DAP: variants seen among roughly 807,000 people sequenced by gnomAD.
DAP encodes death-associated protein 1.
In DAP, 8 loss-of-function variants were observed where a neutral mutation model predicts 13.8. The observed-to-expected ratio is 0.58, with a 90% CI of 0.34 to 1.05. DAP has a LOEUF of 1.05. Among genes scored for constraint, DAP ranks in the 50% least tolerant of loss-of-function variants. The pLI, the probability that DAP is intolerant of heterozygous loss-of-function variation, is 0.03. For synonymous variants in DAP, 47 were observed against 47.5 expected (o/e 0.99, Z 0.04); for missense variants, 106 against 133.2 (o/e 0.80, Z 1.01).
Position 10,691,054 on chromosome 5 carries a change from G to C in DAP, c.153-7483C>G, listed in dbSNP as rs557926427. 3.9e-5 allele frequency among the ~76,000 whole-genome samples: 6 copies of C among 152,290 alleles called. No homozygotes were observed. In the East Asian group the frequency reaches 1.2e-3, roughly 29 times the overall value. ...ATTTAGCAACTAATTTTAAGAATAA[G>C]CTTCCCTGCCACAGAATAATAAATA... On this transcript the variant is annotated intron_variant, in intron 2 of 3. Coordinates refer to ENST00000230895, the MANE Select transcript of DAP (RefSeq NM_004394.3).
rs533834729 is a variant in DAP, at chr5:10,681,038, G to C, written c.*18C>G. On this transcript the variant is annotated 3_prime_UTR_variant, in exon 4 of 4. Transcript: ENST00000230895. ...GCAGCAGAGCCGGGGCCATGGGGCA[G>C]GCTGGTGGACTCCAGGCTCACTTGC... is the stretch of plus-strand genomic sequence containing the variant. 4.4e-6 allele frequency: 7 copies of C among 1,578,894 alleles called. No individual in the cohort carries two copies. The East Asian group carries it at 1.6e-4, about 36-fold the overall frequency.
intron 2 of DAP, among the ~76,000 whole-genome samples, chr5:10,720,744 T>C (rs1283304667): frequency 6.6e-6 from 1 of 152,166 alleles, no homozygotes; most frequent in African/African-American, 2.4e-5. Flanking sequence ...TTCCTCGGGG[T>C]GATCAGCCAG....
rs369239110 is a variant in DAP, at chr5:10,714,818, C to T, written c.153-31247G>A. On this transcript the variant is annotated intron_variant, in intron 2 of 3. Coordinates refer to ENST00000230895, the MANE Select transcript of DAP (RefSeq NM_004394.3). ...GGTTGTTTAAAAGTGTGTAATACTTCCCCTCTTGCTCTCTTGCTCCTGCTC... is the reference window on the plus strand; with the variant it reads ...GGTTGTTTAAAAGTGTGTAATACTTTCCCTCTTGCTCTCTTGCTCCTGCTC... Among the ~76,000 whole-genome samples, 8 of 151,998 alleles carry T rather than the reference C, an allele frequency of 5.3e-5. 1 individual carries two copies. In the South Asian group the frequency reaches 8.3e-4, roughly 16 times the overall value.
At chr5:10,758,750 T>C (rs902337170) in intron 1 of DAP, among the ~76,000 whole-genome samples, 1 of 152,140 alleles carries the variant, frequency 6.6e-6, no homozygotes, top group African/African-American at 2.4e-5. Flanking sequence ...GAACCCAAGC[T>C]CACTGCTACA....
intron 2 of DAP, among the ~76,000 whole-genome samples, chr5:10,741,131 G>A (rs1401698820): frequency 6.6e-6 from 1 of 152,166 alleles, no homozygotes; most frequent in Non-Finnish European, 1.5e-5. Context: ...TAGGAGGATT[G>A]CTTGAGCTCA....
chr5:10,751,542 T>C lies in DAP; in HGVS notation c.56-3271A>G, dbSNP rs966287042. Reference sequence around the variant, plus strand: ...CCTGCTCTATCCCACCTCTTTCCCATGCTCATCAGAAATTGATGAAAGATG... The same window carrying C: ...CCTGCTCTATCCCACCTCTTTCCCACGCTCATCAGAAATTGATGAAAGATG... On this transcript the variant is annotated intron_variant, in intron 1 of 3. Transcript: ENST00000230895. 2.0e-5 allele frequency among the ~76,000 whole-genome samples: 3 copies of C among 152,224 alleles called. No homozygotes were observed. In the East Asian group the frequency reaches 5.8e-4, roughly 29 times the overall value.
At chr5:10,703,290 A>G (rs899016791) in intron 2 of DAP, among the ~76,000 whole-genome samples, 1 of 152,242 alleles carries the variant, frequency 6.6e-6, no homozygotes, top group Admixed American at 6.5e-5. Flanking sequence ...AAACTGTCTC[A>G]GAAGACACGT....
chr5:10,757,178 C>G (rs571780589), intron 1 of DAP, among the ~76,000 whole-genome samples: 13 of 152,208 alleles, frequency 8.5e-5, no homozygotes, highest in Non-Finnish European at 1.8e-4. Context: ...AGTCGTCTGT[C>G]GGGCTGCTGA....
intron 2 of DAP, among the ~76,000 whole-genome samples, chr5:10,685,885 T>G (rs1448575387): frequency 1.3e-5 from 2 of 152,100 alleles, no homozygotes; most frequent in African/African-American, 4.8e-5. Flanking sequence ...TGAGGAAGCT[T>G]GAGTAATTAT....
chr5:10,729,508 C>T (rs1739382836), intron 2 of DAP, among the ~76,000 whole-genome samples: 1 of 152,202 alleles, frequency 6.6e-6, no homozygotes, highest in Non-Finnish European at 1.5e-5. Flanking sequence ...CAACAGATGT[C>T]ATTTATAATC....
chr5:10,714,203 AAAACCAACCAAC>A (rs2126654102), intron 2 of DAP, among the ~76,000 whole-genome samples: 1 of 152,352 alleles, frequency 6.6e-6, no homozygotes, highest in African/African-American at 2.4e-5. Flanking sequence ...AGGCTGGGGG[AAAACCAACCAAC>A]AAACCAGCCA....
At chr5:10,754,743 T>G (rs1378511825) in intron 1 of DAP, among the ~76,000 whole-genome samples, 2 of 152,164 alleles carry the variant, frequency 1.3e-5, no homozygotes, top group African/African-American at 2.4e-5. Flanking sequence ...ATCGGCTGCC[T>G]GGAAGTGCTT....
intron 3 of DAP, among the ~76,000 whole-genome samples, chr5:10,682,135 T>G (rs1182396667): frequency 1.7e-5 from 1 of 59,004 alleles, no homozygotes. Flanking sequence ...CCAGCACCCA[T>G]CAGCGTCCCT....
chr5:10,749,510 TGGTC>T lies in DAP; in HGVS notation c.56-1243_56-1240del, dbSNP rs546257443. 4.8e-3 allele frequency among the ~76,000 whole-genome samples: 737 copies of T among 152,346 alleles called. 3 individuals are homozygous for T. Among genetic ancestry groups the T allele is most frequent in the African/African-American group, 0.016 (680 of 41,586 alleles). On this transcript the variant is annotated intron_variant, in intron 1 of 3. Transcript: ENST00000230895. Reference sequence around the variant, plus strand: ...TATAGCCATCCTAGTGGGTGTGAAGTGGTCTCTTATTGTGGTTTGATGTGCAATT... The same window carrying T: ...TATAGCCATCCTAGTGGGTGTGAAGTTCTTATTGTGGTTTGATGTGCAATT...
chr5:10,734,064 C>G (rs1357888007), intron 2 of DAP: 1 of 152,172 alleles, frequency 6.6e-6, no homozygotes, highest in Non-Finnish European at 1.5e-5. Flanking sequence ...AGAAAACACT[C>G]CTGATAAATA....
intron 2 of DAP, among the ~76,000 whole-genome samples, chr5:10,685,107 G>A (rs925356229): frequency 2.0e-5 from 3 of 147,126 alleles, no homozygotes. Flanking sequence ...TTCACTGACT[G>A]TTTACTTCCC....
chr5:10,733,642 C>A (rs916424077), intron 2 of DAP: 2 of 152,140 alleles, frequency 1.3e-5, no homozygotes, highest in Non-Finnish European at 2.9e-5. Context: ...GGGATATGCA[C>A]TATAAAAAAT....
intron 2 of DAP, among the ~76,000 whole-genome samples, chr5:10,688,403 A>ATTGTTTT (rs1335734040): frequency 1.3e-5 from 2 of 152,192 alleles, no homozygotes; most frequent in Non-Finnish European, 2.9e-5. Flanking sequence ...TAAGTTATGC[A>ATTGTTTT]TTGTTTTTTA....
intron 2 of DAP, among the ~76,000 whole-genome samples, chr5:10,739,201 C>CAAAAAAAAAAAAA (rs10644743): frequency 3.2e-4 from 23 of 71,602 alleles, no homozygotes; most frequent in Admixed American, 9.1e-4. Flanking sequence ...GACTCTGAAT[C>CAAAAAAAAAAAAA]AAAAAAAAAA....
Sources: allele counts gnomAD v4.1 joint callset (sites outside exome capture counted in the v4.1 genomes callset), GRCh38; gene constraint gnomAD v4.1.1; transcripts MANE v1.5; gene names NCBI Gene and HGNC (gene_info 2026-07-23, HGNC 2026-07-21).